The following DCC variants were observed in gnomAD, a reference collection of about 807,000 sequenced individuals.
DCC encodes the protein netrin receptor DCC.
Under a neutral mutation model 172.5 loss-of-function variants are expected in DCC, and 58 were observed. The ratio of observed to expected loss-of-function variants is 0.34; its 90% CI spans 0.27 to 0.42. The LOEUF is 0.42. DCC is among the 10% of genes least tolerant of loss of function. The pLI is 1.00. For missense variants in DCC, 1,740 were observed against 1,791.0 expected (o/e 0.97, Z 0.51); for synonymous variants, 709 against 644.5 (o/e 1.10, Z -1.52).
At chr18:53,436,733 T>C (rs566984641) in intron 22 of DCC, among the ~76,000 whole-genome samples, 21 of 152,310 alleles carry the variant, frequency 1.4e-4, no homozygotes, top group African/African-American at 5.1e-4. Context: ...GAACGTCTTA[T>C]GTTTAAACTT....
intron 5 of DCC, among the ~76,000 whole-genome samples, chr18:53,037,307 G>A (rs1221093976): frequency 1.3e-5 from 2 of 151,988 alleles, no homozygotes; most frequent in African/African-American, 2.4e-5. Flanking sequence ...GAAGAAGATA[G>A]CTTAAAGGGA....
chr18:53,303,746 C>A (rs1272967724), intron 12 of DCC, among the ~76,000 whole-genome samples: 1 of 152,124 alleles, frequency 6.6e-6, no homozygotes, highest in African/African-American at 2.4e-5. Flanking sequence ...TCCCAAATCC[C>A]CAGTGAGTGT....
intron 1 of DCC, among the ~76,000 whole-genome samples, chr18:52,579,254 C>G (rs2033488706): frequency 6.6e-6 from 1 of 152,116 alleles, no homozygotes; most frequent in South Asian, 2.1e-4. Flanking sequence ...TTATTTGAGT[C>G]ATTATTTTTG....
intron 2 of DCC, among the ~76,000 whole-genome samples, chr18:52,754,971 G>C (rs191407880): frequency 6.6e-6 from 1 of 152,298 alleles, no homozygotes; most frequent in Admixed American, 6.5e-5. Flanking sequence ...CTGGAACCTT[G>C]GAGTGATGAG....
chr18:53,170,180 C>T lies in DCC; in HGVS notation c.1419-8782C>T, dbSNP rs573808534. Among the ~76,000 whole-genome samples, 10 of 152,206 alleles carry T rather than the reference C, an allele frequency of 6.6e-5. No homozygotes were observed. In the East Asian group the frequency reaches 1.2e-3, roughly 18 times the overall value. ...ACCCCATTAAAACACAGGGAAGCCA[C>T]GCAGCAGTTTGGCAGCAGACACTCA... is the stretch of plus-strand genomic sequence containing the variant. On this transcript the variant is annotated intron_variant, in intron 8 of 28. Coordinates refer to ENST00000442544, the MANE Select transcript of DCC (RefSeq NM_005215.4).
chr18:53,390,172 C>G (rs568107262), intron 16 of DCC, among the ~76,000 whole-genome samples: 1 of 152,182 alleles, frequency 6.6e-6, no homozygotes, highest in East Asian at 1.9e-4. Flanking sequence ...TAAAGGATCC[C>G]TTAATAAAAA....
chr18:53,395,956 A>G (rs994230904), intron 17 of DCC, among the ~76,000 whole-genome samples: 5 of 152,166 alleles, frequency 3.3e-5, no homozygotes, highest in African/African-American at 1.2e-4. Context: ...ATTATTTTTA[A>G]GAAGACTTCT....
At chr18:52,830,067 C>A (rs762783589) in intron 2 of DCC, among the ~76,000 whole-genome samples, 26 of 152,068 alleles carry the variant, frequency 1.7e-4, no homozygotes, top group Non-Finnish European at 3.7e-4. Flanking sequence ...AGGTGGGAGC[C>A]TGCCAGCTGT....
At chr18:53,455,917 A>T (rs1354785794) in intron 23 of DCC, among the ~76,000 whole-genome samples, 1 of 152,252 alleles carries the variant, frequency 6.6e-6, no homozygotes, top group Non-Finnish European at 1.5e-5. Flanking sequence ...ATTTCTTGAC[A>T]CATAGTCAAT....
At chr18:52,923,899 A>G (rs1392695842) in intron 4 of DCC, 42 bp downstream of exon 4, 3 of 1,411,412 alleles carry the variant, frequency 2.1e-6, no homozygotes, top group African/African-American at 2.8e-5. Context: ...GTACTTTTGT[A>G]TGGTATATGC....
intron 25 of DCC, among the ~76,000 whole-genome samples, chr18:53,483,321 C>T (rs1034714228): frequency 1.3e-5 from 2 of 151,764 alleles, no homozygotes; most frequent in Non-Finnish European, 3.0e-5. Flanking sequence ...TCATTCATGT[C>T]TTCTCTAAAA....
At chr18:52,825,390 T>G (rs2038492239) in intron 2 of DCC, among the ~76,000 whole-genome samples, 1 of 152,186 alleles carries the variant, frequency 6.6e-6, no homozygotes, top group South Asian at 2.1e-4. Flanking sequence ...AAAAATAAAA[T>G]TAAGCAACTC....
chr18:52,655,632 CT>C (rs1293043813), intron 1 of DCC, among the ~76,000 whole-genome samples: 4 of 151,956 alleles, frequency 2.6e-5, no homozygotes, highest in Non-Finnish European at 2.9e-5. Flanking sequence ...ATAAAATCCA[CT>C]TTTTATATGC....
chr18:52,586,106 A>C lies in DCC; in HGVS notation c.92-165948A>C, dbSNP rs970216182. Among the ~76,000 whole-genome samples the C allele has an allele frequency of 1.3e-4, 18 of 134,022 alleles. No individual in the cohort carries two copies. In the East Asian group the frequency reaches 3.3e-3, roughly 25 times the overall value. The allele number at this position is 134,022 out of a possible 152,430, so 87.9% of individuals were successfully genotyped here. A position where few individuals can be genotyped will look rare whatever the true frequency, so the allele number is the denominator to read the frequency against. The stretch of plus-strand genomic sequence containing the variant: ...TCAAAAAAAAAAAAAAAAAAAAAAA[A>C]AACAAAAACACTGTCACACCTAGCA... On this transcript the variant is annotated intron_variant, in intron 1 of 28. Coordinates refer to ENST00000442544, the MANE Select transcript of DCC (RefSeq NM_005215.4).
chr18:52,939,931 T>C (rs2040435163), intron 5 of DCC, among the ~76,000 whole-genome samples: 1 of 152,180 alleles, frequency 6.6e-6, no homozygotes, highest in Admixed American at 6.6e-5. Flanking sequence ...CAATTTGGTG[T>C]AATCTTTGTA....
intron 15 of DCC, among the ~76,000 whole-genome samples, chr18:53,347,741 A>C (rs918279294): frequency 3.9e-5 from 6 of 152,174 alleles, no homozygotes; most frequent in African/African-American, 1.4e-4. Flanking sequence ...GAAGCATCAC[A>C]ATTATGGCAG....
intron 1 of DCC, among the ~76,000 whole-genome samples, chr18:52,632,302 C>A (rs2034692235): frequency 9.2e-5 from 14 of 152,094 alleles, no homozygotes; most frequent in Middle Eastern, 3.2e-3. Flanking sequence ...AATTTTTGCT[C>A]ATTGTTCTAT....
At chr18:53,141,932 A>G (rs927097791) in intron 7 of DCC, among the ~76,000 whole-genome samples, 17 of 152,294 alleles carry the variant, frequency 1.1e-4, no homozygotes, top group Non-Finnish European at 2.2e-4. Flanking sequence ...CCATATGCTC[A>G]TATGCTCTGA....
chr18:53,486,217 A>T (rs2144358169), intron 25 of DCC, among the ~76,000 whole-genome samples: 1 of 152,326 alleles, frequency 6.6e-6, no homozygotes, highest in Admixed American at 6.5e-5. Flanking sequence ...CCTGAAAAAC[A>T]TTCAGTTACA....
Sources: gnomAD v4.1 joint callset for allele counts (sites outside exome capture counted in the v4.1 genomes callset) on GRCh38, gnomAD v4.1.1 for gene constraint, MANE v1.5 for transcripts, NCBI Gene and HGNC (gene_info 2026-07-23, HGNC 2026-07-21) for gene names.